The following SNX13 variants were observed in gnomAD, a reference collection of about 807,000 sequenced individuals.
The protein encoded by SNX13 is sorting nexin 13, also known as sorting nexin-13.
SNX13 carries 45 observed loss-of-function variants against 133.6 expected under a neutral mutation model. The ratio of observed to expected loss-of-function variants is 0.34; its 90% CI spans 0.27 to 0.43. The LOEUF (loss-of-function observed/expected upper bound fraction) is 0.43. SNX13 is among the 20% of genes least tolerant of loss of function. The pLI is 1.00. For synonymous variants in SNX13, 414 were observed against 373.9 expected (o/e 1.11, Z -1.24); for missense variants, 1,032 against 1,145.1 (o/e 0.90, Z 1.43).
intron 1 of SNX13, among the ~76,000 whole-genome samples, chr7:17,908,449 C>CA (rs1424043478): frequency 1.3e-5 from 2 of 152,150 alleles, no homozygotes; most frequent in Non-Finnish European, 2.9e-5. Flanking sequence ...TACTCCCTAG[C>CA]AAAAAATTCT....
At chr7:17,851,090 A>G (rs1791146621) in intron 9 of SNX13, 126 bp from the exon 10 acceptor site, 5 of 951,228 alleles carry the variant, frequency 5.3e-6, no homozygotes, top group Non-Finnish European at 7.6e-6. Flanking sequence ...ACAAAAAGAA[A>G]AAAGTTCTAT....
chr7:17,863,917 T>C (rs889311946), intron 9 of SNX13, among the ~76,000 whole-genome samples: 2 of 152,188 alleles, frequency 1.3e-5, no homozygotes, highest in African/African-American at 4.8e-5. Flanking sequence ...CTGAAGTGCA[T>C]CATGGCAGTG....
At chr7:17,907,014 T>C (rs376820324) in intron 1 of SNX13, among the ~76,000 whole-genome samples, 3 of 152,344 alleles carry the variant, frequency 2.0e-5, no homozygotes, top group East Asian at 1.9e-4. Flanking sequence ...ATGTTGGTTA[T>C]GTTCTTGGGG....
chr7:17,928,197 A>G (rs576045431), intron 1 of SNX13, among the ~76,000 whole-genome samples: 106 of 152,274 alleles, frequency 7.0e-4, no homozygotes, highest in African/African-American at 2.5e-3. Context: ...AGGAGCTATC[A>G]TTTATTAAGT....
At chr7:17,924,887 C>T (rs1800564948) in intron 1 of SNX13, among the ~76,000 whole-genome samples, 1 of 152,072 alleles carries the variant, frequency 6.6e-6, no homozygotes. Context: ...ACATATTGTA[C>T]AACGCCACTC....
chr7:17,838,885 T>C (rs534497377), intron 13 of SNX13, among the ~76,000 whole-genome samples: 1 of 151,762 alleles, frequency 6.6e-6, no homozygotes, highest in Admixed American at 6.6e-5. Context: ...TTTCATGTGT[T>C]CTGGAAAATA....
intron 20 of SNX13, among the ~76,000 whole-genome samples, chr7:17,810,173 G>C (rs1785839021): frequency 6.6e-6 from 1 of 151,986 alleles, no homozygotes; most frequent in African/African-American, 2.4e-5. Context: ...AAATCAGTGA[G>C]TCCAGGAGCT....
At chr7:17,925,672 T>C (rs922875042) in intron 1 of SNX13, among the ~76,000 whole-genome samples, 4 of 152,122 alleles carry the variant, frequency 2.6e-5, no homozygotes, top group Admixed American at 2.6e-4. Context: ...AAAGTATGGA[T>C]TATCACACCT....
chr7:17,929,112 G>A (rs1474655463), intron 1 of SNX13, among the ~76,000 whole-genome samples: 1 of 151,940 alleles, frequency 6.6e-6, no homozygotes, highest in Non-Finnish European at 1.5e-5. Context: ...GAAACTTGCA[G>A]GCCTGTAGAC....
intron 1 of SNX13, chr7:17,898,923 A>ACAG (rs1797515756): frequency 6.6e-6 from 1 of 152,156 alleles, no homozygotes; most frequent in Non-Finnish European, 1.5e-5. Flanking sequence ...TAACCAAAGG[A>ACAG]CAGAATGCCT....
intron 9 of SNX13, among the ~76,000 whole-genome samples, chr7:17,866,161 G>T (rs1793373069): frequency 6.6e-6 from 1 of 152,026 alleles, no homozygotes; most frequent in African/African-American, 2.4e-5. Context: ...AAGCTAAAAG[G>T]CTTCTGCACA....
At chr7:17,939,808 G>C (rs528141720) in intron 1 of SNX13, among the ~76,000 whole-genome samples, 1 of 152,324 alleles carries the variant, frequency 6.6e-6, no homozygotes. Context: ...CAAAGTAGAG[G>C]GTGGGAAACA....
chr7:17,828,636 T>G (rs1788159363), intron 16 of SNX13, among the ~76,000 whole-genome samples: 1 of 151,634 alleles, frequency 6.6e-6, no homozygotes, highest in Non-Finnish European at 1.5e-5. Context: ...ATGGTCCAAC[T>G]ACTTAGAAGT....
chr7:17,815,753 C>T (rs535341739), intron 19 of SNX13, among the ~76,000 whole-genome samples: 3 of 152,140 alleles, frequency 2.0e-5, no homozygotes, highest in East Asian at 1.9e-4. Context: ...TTTTGACATA[C>T]TGAGTTCATT....
At chr7:17,882,789 T>A in intron 5 of SNX13, 1 of 1,230,106 alleles carries the variant, frequency 8.1e-7, no homozygotes, top group South Asian at 1.4e-5. Flanking sequence ...ACTACCACAA[T>A]TCCCTGTAAT....
intron 16 of SNX13, among the ~76,000 whole-genome samples, chr7:17,827,086 T>C (rs1324710685): frequency 6.6e-6 from 1 of 152,026 alleles, no homozygotes; most frequent in Admixed American, 6.6e-5. Flanking sequence ...ATAATCTGCC[T>C]CCAATAAAAA....
chr7:17,826,574 T>C (rs1346150926), intron 16 of SNX13, among the ~76,000 whole-genome samples: 1 of 152,064 alleles, frequency 6.6e-6, no homozygotes, highest in East Asian at 1.9e-4. Flanking sequence ...GAGAATTATG[T>C]GGAGATTAAA....
rs755480464 is a variant in SNX13, at chr7:17,875,811, TA to T, written c.441-22del. On this transcript the variant is annotated intron_variant, in intron 5 of 25. Transcript: ENST00000428135. Reference sequence around the variant, plus strand: ...TTGACCTTATAAAAAACACATTACATAAAAGGATTATATAAATGCTTTATCA... The same window carrying T: ...TTGACCTTATAAAAAACACATTACATAAAGGATTATATAAATGCTTTATCA... 4 of 1,544,812 alleles carry T rather than the reference TA, an allele frequency of 2.6e-6. No homozygotes were observed. The East Asian group carries it at 9.1e-5, about 35-fold the overall frequency.
chr7:17,828,429 A>T (rs1788141748), intron 16 of SNX13, among the ~76,000 whole-genome samples: 1 of 151,700 alleles, frequency 6.6e-6, no homozygotes, highest in Admixed American at 6.6e-5. Context: ...ATTTATAATG[A>T]TAGTCATCAA....
Sources: gnomAD v4.1 joint callset for allele counts (sites outside exome capture counted in the v4.1 genomes callset) on GRCh38, gnomAD v4.1.1 for gene constraint, MANE v1.5 for transcripts, NCBI Gene and HGNC (gene_info 2026-07-23, HGNC 2026-07-21) for gene names.